STIMATE: variants seen among roughly 807,000 people sequenced by gnomAD.
STIMATE encodes store-operated calcium entry regulator STIMATE.
A neutral mutation model predicts 36.7 loss-of-function variants in STIMATE; 15 were observed. The observed-to-expected ratio is 0.41, with a 90% CI of 0.27 to 0.63. STIMATE has a LOEUF of 0.63. STIMATE is among the 20% of genes least tolerant of loss of function. The probability of loss-of-function intolerance (pLI) is 0.32; values close to 1 mark genes in which losing one functional copy is unlikely to be tolerated. For synonymous variants in STIMATE, 163 were observed against 162.3 expected (o/e 1.00, Z -0.03); for missense variants, 305 against 397.3 (o/e 0.77, Z 1.98).
intron 1 of STIMATE, 79 bp from the exon 2 acceptor site, chr3:52,855,523 G>A (rs1390704215): frequency 1.3e-6 from 2 of 1,594,902 alleles, no homozygotes; most frequent in Non-Finnish European, 1.7e-6. Flanking sequence ...TGGGTTATCA[G>A]TCTACTCACT....
intron 1 of STIMATE, among the ~76,000 whole-genome samples, chr3:52,858,789 C>A (rs1429869248): frequency 6.6e-6 from 1 of 152,158 alleles, no homozygotes; most frequent in African/African-American, 2.4e-5. Context: ...GTAACTGAAA[C>A]TGATGCCTGT....
Position 52,897,510 on chromosome 3 carries a change from G to A in STIMATE, c.-60C>T. The stretch of plus-strand genomic sequence containing the variant: ...GCCCGCCCGGCCTCGCTGCCTGCCG[G>A]CGCAGCGCCGCCAAACCCGCAGCCG... On this transcript the variant is annotated 5_prime_UTR_variant, in exon 1 of 8. Transcript: ENST00000355083. 4 of 1,190,962 alleles carry A rather than the reference G, an allele frequency of 3.4e-6. No individual in the cohort carries two copies. Among genetic ancestry groups the A allele is most frequent in the Non-Finnish European group, 4.2e-6 (4 of 962,656 alleles). The allele number at this position is 1,190,962 out of a possible 1,614,324, so 73.8% of individuals were successfully genotyped here.
intron 6 of STIMATE, chr3:52,843,163 G>T: frequency 9.7e-7 from 1 of 1,029,640 alleles, no homozygotes; most frequent in Non-Finnish European, 1.4e-6. Context: ...TTTCTGATCA[G>T]AGTGTGCAAG....
At chr3:52,871,141 T>C (rs1001112454) in intron 1 of STIMATE, among the ~76,000 whole-genome samples, 1 of 152,210 alleles carries the variant, frequency 6.6e-6, no homozygotes, top group Non-Finnish European at 1.5e-5. Context: ...TAGTTTCATA[T>C]GCTCAAAACC....
At chr3:52,896,002 A>T in intron 1 of STIMATE, 1 of 1,251,008 alleles carries the variant, frequency 8.0e-7, no homozygotes, top group Non-Finnish European at 1.0e-6. Context: ...AAGCAAGGCA[A>T]GTTGGGACTA....
At chr3:52,853,643 C>T (rs1482423850) in intron 2 of STIMATE, among the ~76,000 whole-genome samples, 1 of 41,746 alleles carries the variant, frequency 2.4e-5, no homozygotes, top group Non-Finnish European at 8.8e-5. Context: ...AAGAGAGCCC[C>T]AAAGCTAGGT....
Position 52,837,656 on chromosome 3 carries a change from T to C in STIMATE, c.*2838A>G, listed in dbSNP as rs1700726727. 6.6e-6 allele frequency: 1 copy of C among 152,270 alleles called. No individual in the cohort carries two copies. Among genetic ancestry groups the C allele is most frequent in the Non-Finnish European group, 1.5e-5 (1 of 68,056 alleles). The allele number at this position is 152,270 out of a possible 1,614,324, so 9.4% of individuals were successfully genotyped here. A position where few individuals can be genotyped will look rare whatever the true frequency, so the allele number is the denominator to read the frequency against. On this transcript the variant is annotated 3_prime_UTR_variant, in exon 8 of 8. Coordinates refer to ENST00000355083, the MANE Select transcript of STIMATE (RefSeq NM_198563.5). ...TTTATTTCCAATAGTTACAAGAAAT[T>C]TGTTCATGACCTTGACTTGCAAGGT...
At chr3:52,890,752 G>A (rs995712156) in intron 1 of STIMATE, among the ~76,000 whole-genome samples, 2 of 152,224 alleles carry the variant, frequency 1.3e-5, no homozygotes, top group African/African-American at 4.8e-5. Context: ...TAGTCATATG[G>A]CAACCAACAG....
Position 52,840,431 on chromosome 3 carries a change from G to A in STIMATE, c.*63C>T. 3 of 1,561,006 alleles carry A rather than the reference G, an allele frequency of 1.9e-6. No homozygotes were observed. Among genetic ancestry groups the A allele is most frequent in the East Asian group, 2.3e-5 (1 of 44,266 alleles). ...GAGAGAGGGTAAGGAACGATGCTGC[G>A]GGATGACCTCTGCACACCAGCGGCT... On this transcript the variant is annotated 3_prime_UTR_variant, in exon 8 of 8. Transcript: ENST00000355083.
At chr3:52,880,827 T>C (rs1189652960) in intron 1 of STIMATE, among the ~76,000 whole-genome samples, 1 of 152,192 alleles carries the variant, frequency 6.6e-6, no homozygotes, top group African/African-American at 2.4e-5. Context: ...ACAAAAATAG[T>C]CTGAAATTCA....
At chr3:52,876,626 CATG>C (rs1337303292) in intron 1 of STIMATE, among the ~76,000 whole-genome samples, 2 of 152,220 alleles carry the variant, frequency 1.3e-5, no homozygotes, top group Non-Finnish European at 2.9e-5. Flanking sequence ...CACAAGTTTT[CATG>C]ATAATCCACT....
chr3:52,890,060 T>C (rs1384142131), intron 1 of STIMATE, among the ~76,000 whole-genome samples: 2 of 152,206 alleles, frequency 1.3e-5, no homozygotes, highest in East Asian at 3.8e-4. Flanking sequence ...CTTAGCCTGG[T>C]GCTCAGGTGG....
chr3:52,843,208 AG>A lies in STIMATE; in HGVS notation c.619-249del, dbSNP rs1248155386. The A allele has an allele frequency of 4.7e-6, 3 of 644,996 alleles. No individual in the cohort carries two copies. In the Admixed American group the frequency reaches 9.6e-5, roughly 21 times the overall value. 40.0% of individuals were successfully genotyped at this position (644,996 alleles called of 1,614,324 possible). On this transcript the variant is annotated intron_variant, in intron 6 of 7. Transcript: ENST00000355083. ...CTGACGGGTTTTTGTTGTGGTAACTAGGGGGAACAGCCTGTTTGGGGCCTGG... is the reference window on the plus strand; with the variant it reads ...CTGACGGGTTTTTGTTGTGGTAACTAGGGGAACAGCCTGTTTGGGGCCTGG...
At chr3:52,886,470 T>C (rs1013992252) in intron 1 of STIMATE, among the ~76,000 whole-genome samples, 21 of 152,198 alleles carry the variant, frequency 1.4e-4, no homozygotes, top group Non-Finnish European at 2.9e-4. Context: ...ACTCATCTCA[T>C]AGGGATAATA....
At chr3:52,888,631 T>C (rs1052678466) in intron 1 of STIMATE, among the ~76,000 whole-genome samples, 5 of 152,154 alleles carry the variant, frequency 3.3e-5, no homozygotes, top group African/African-American at 7.2e-5. Context: ...TAAATGAAGA[T>C]GTCTTATAAC....
intron 2 of STIMATE, among the ~76,000 whole-genome samples, chr3:52,854,861 G>A (rs1701066998): frequency 6.6e-6 from 1 of 152,226 alleles, no homozygotes; most frequent in African/African-American, 2.4e-5. Flanking sequence ...CACCCAAGTG[G>A]TATTTGCAGA....
At chr3:52,881,743 C>T (rs1403811906) in intron 1 of STIMATE, among the ~76,000 whole-genome samples, 5 of 152,112 alleles carry the variant, frequency 3.3e-5, no homozygotes, top group Non-Finnish European at 5.9e-5. Flanking sequence ...AATAGCAATG[C>T]TACAAACCAC....
chr3:52,841,984 A>G (rs561102054), intron 7 of STIMATE, among the ~76,000 whole-genome samples: 1 of 152,238 alleles, frequency 6.6e-6, no homozygotes, highest in Admixed American at 6.5e-5. Context: ...CCTCTGTCCT[A>G]CTATCTATTC....
chr3:52,885,593 CTT>C, intron 1 of STIMATE, among the ~76,000 whole-genome samples: 1 of 152,218 alleles, frequency 6.6e-6, no homozygotes, highest in East Asian at 1.9e-4. Context: ...CAATTTGCTT[CTT>C]GAGTTTCACC....
Sources: allele counts gnomAD v4.1 joint callset (sites outside exome capture counted in the v4.1 genomes callset), GRCh38; gene constraint gnomAD v4.1.1; transcripts MANE v1.5; gene names NCBI Gene and HGNC (gene_info 2026-07-23, HGNC 2026-07-21).